Variants in RBM26 observed in about 807,000 individuals in gnomAD.
RBM26 encodes the protein RNA-binding protein 26.
Under a neutral mutation model 123.6 loss-of-function variants are expected in RBM26, and 30 were observed. The observed-to-expected ratio is 0.24, with a 90% CI of 0.18 to 0.33. The LOEUF (loss-of-function observed/expected upper bound fraction) is 0.33. Among genes scored for constraint, RBM26 ranks in the 10% least tolerant of loss-of-function variants. RBM26 has a pLI of 1.00. For missense variants in RBM26, 947 were observed against 1,203.6 expected, an observed-to-expected ratio of 0.79 and a Z score of 3.15; for synonymous variants, 400 against 404.4, an observed-to-expected ratio of 0.99 and a Z score of 0.13.
intron 1 of RBM26, among the ~76,000 whole-genome samples, chr13:79,379,390 A>G (rs2076901794): frequency 6.6e-6 from 1 of 150,786 alleles, no homozygotes; most frequent in South Asian, 2.1e-4. Context: ...AAAAAAAAAA[A>G]AAAAAAATTA....
chr13:79,365,906 A>C, intron 8 of RBM26, 149 bp downstream of exon 8: 1 of 962,006 alleles, frequency 1.0e-6, no homozygotes, highest in Non-Finnish European at 1.5e-6. Flanking sequence ...AAACATTCAA[A>C]ACTGAGGGCT....
chr13:79,351,821 G>A (rs1191135596), intron 14 of RBM26, among the ~76,000 whole-genome samples: 5 of 152,030 alleles, frequency 3.3e-5, no homozygotes, highest in Non-Finnish European at 5.9e-5. Context: ...ATGAATTAAC[G>A]CCAAAATAAG....
rs2067407695 is a variant in RBM26 at position 79,319,133 on chromosome 13, T to C, written c.*1488A>G. 3.0e-6 allele frequency: 3 copies of C among 983,988 alleles called. No individual in the cohort carries two copies. Among genetic ancestry groups the C allele is most frequent in the Non-Finnish European group, 3.6e-6 (3 of 828,952 alleles). The allele number at this position is 983,988 out of a possible 1,614,324, so 61.0% of individuals were successfully genotyped here. ...AAAATACACACAACTTCAACCCCAA[T>C]TAGGGGTGTATGGGGAAGAAGAAAA... On this transcript the variant is annotated 3_prime_UTR_variant, in exon 22 of 22. Transcript: ENST00000438737.
chr13:79,377,663 A>G (rs1204712585), intron 2 of RBM26, 148 bp from the exon 3 acceptor site: 1 of 682,298 alleles, frequency 1.5e-6, no homozygotes, highest in East Asian at 2.8e-5. Flanking sequence ...GTGGTGGCTT[A>G]CGTCTGTAAT....
intron 1 of RBM26, among the ~76,000 whole-genome samples, chr13:79,404,842 T>C (rs1032313442): frequency 1.3e-5 from 2 of 152,230 alleles, no homozygotes; most frequent in African/African-American, 4.8e-5. Context: ...GATTTATTTA[T>C]GTCTTGTCGA....
chr13:79,364,052 C>A (rs776393133), intron 9 of RBM26, among the ~76,000 whole-genome samples: 2 of 152,168 alleles, frequency 1.3e-5, no homozygotes, highest in Non-Finnish European at 2.9e-5. Flanking sequence ...CATCACACAA[C>A]AGTTAAAATC....
chr13:79,404,767 C>A (rs940923282), intron 1 of RBM26, among the ~76,000 whole-genome samples: 1 of 152,116 alleles, frequency 6.6e-6, no homozygotes, highest in Non-Finnish European at 1.5e-5. Context: ...GTGAAATAGC[C>A]CCCCTCATAA....
chr13:79,355,163 G>A (rs1023691915), intron 12 of RBM26, 57 bp downstream of exon 12: 9 of 1,511,878 alleles, frequency 6.0e-6, no homozygotes, highest in East Asian at 2.3e-5. Context: ...ACTCGTAAAC[G>A]CTATGCTAAG....
Position 79,365,645 on chromosome 13 carries a change from G to A in RBM26, c.1350C>T (p.His450=), listed in dbSNP as rs754017462. The A allele has an allele frequency of 2.4e-5, 38 of 1,613,734 alleles. No individual in the cohort carries two copies. The Admixed American group carries it at 6.2e-4, about 26-fold the overall frequency. The change falls in exon 9 of 22, where the codon CAC becomes CAT. Residue 450 remains histidine, a synonymous_variant. Coordinates refer to ENST00000438737, the MANE Select transcript of RBM26 (RefSeq NM_001366735.2). The part of the protein sequence containing the change: ...ITNTSRPMYR[H]RVHAQRPNLI... ...AGTTGGGCCTTTGTGCATGCACTCT[G>A]TGTCTATACATAGGTCTGGAAGTGT...
chr13:79,353,003 T>C, intron 14 of RBM26, 150 bp downstream of exon 14: 1 of 439,406 alleles, frequency 2.3e-6, no homozygotes, highest in Non-Finnish European at 3.9e-6. Flanking sequence ...AATATTTTTC[T>C]TTTTCAGCAA....
chr13:79,322,176 T>G (rs571387221), intron 21 of RBM26, 173 bp downstream of exon 21: 1 of 427,788 alleles, frequency 2.3e-6, no homozygotes, highest in African/African-American at 2.1e-5. Context: ...CAATCCACAT[T>G]TCTTCTCATT....
At chr13:79,332,741 A>G (rs1752647) in intron 20 of RBM26, among the ~76,000 whole-genome samples, 76,659 of 151,878 alleles carry the variant, frequency 0.5, 19,742 homozygotes, top group Middle Eastern at 0.6. Context: ...AATCCCTGGT[A>G]TTTTTTATTG....
chr13:79,379,017 A>AT, intron 1 of RBM26, 110 bp from the exon 2 acceptor site: 1 of 679,946 alleles, frequency 1.5e-6, no homozygotes, highest in Non-Finnish European at 2.6e-6. Context: ...AATACATGTA[A>AT]AAAGCACCCG....
intron 16 of RBM26, 38 bp from the exon 17 acceptor site, chr13:79,342,869 ACTC>A: frequency 7.8e-7 from 1 of 1,282,828 alleles, no homozygotes; most frequent in Non-Finnish European, 1.1e-6. Context: ...AAAGCTAATT[ACTC>A]CTATTATCAT....
At chr13:79,363,014 G>A (rs1451411729) in intron 9 of RBM26, among the ~76,000 whole-genome samples, 1 of 152,058 alleles carries the variant, frequency 6.6e-6, no homozygotes, top group African/African-American at 2.4e-5. Context: ...GACTAGAAAT[G>A]GAAAACTACT....
At position 79,371,939 on chromosome 13, in the gene RBM26, A is replaced by G; in HGVS notation, c.328-9T>C. On this transcript the variant is annotated splice_polypyrimidine_tract_variant and intron_variant, in intron 3 of 21. Transcript: ENST00000438737. ...TCTTCCTCCTTAGTGATCTGATTAA[A>G]AAAAAAAAAAAAAGTGTACAAGTTT... The G allele has an allele frequency of 7.4e-7, 1 of 1,353,638 alleles. No individual in the cohort carries two copies. The highest frequency in any genetic ancestry group is 1.0e-6 in the Non-Finnish European group (1 of 979,066). The allele number at this position is 1,353,638 out of a possible 1,614,324, so 83.9% of individuals were successfully genotyped here.
chr13:79,321,524 T>C (rs2067668431), intron 21 of RBM26, among the ~76,000 whole-genome samples: 2 of 151,534 alleles, frequency 1.3e-5, no homozygotes, highest in South Asian at 2.1e-4. Flanking sequence ...AAGAGTTGCT[T>C]ACTTTTAAGT....
intron 6 of RBM26, among the ~76,000 whole-genome samples, chr13:79,367,807 T>C (rs2075465515): frequency 6.6e-6 from 1 of 152,122 alleles, no homozygotes; most frequent in African/African-American, 2.4e-5. Context: ...TTTAGAGCAA[T>C]GTTAAACTAA....
intron 3 of RBM26, chr13:79,376,074 C>T (rs1190762245): frequency 1.3e-5 from 2 of 151,456 alleles, no homozygotes; most frequent in Non-Finnish European, 2.9e-5. Context: ...GTAATGTTTT[C>T]AAGGTCACAA....
Sources: allele counts gnomAD v4.1 joint callset (sites outside exome capture counted in the v4.1 genomes callset), GRCh38; gene constraint gnomAD v4.1.1; transcripts MANE v1.5; gene names NCBI Gene and HGNC (gene_info 2026-07-23, HGNC 2026-07-21).